FARP1: variants seen among roughly 807,000 people sequenced by gnomAD.
The protein encoded by FARP1 is FERM, ARHGEF and pleckstrin domain-containing protein 1.
A neutral mutation model predicts 128.8 loss-of-function variants in FARP1; 52 were observed. The observed-to-expected ratio is 0.40, with a 90% CI of 0.32 to 0.51. The LOEUF (loss-of-function observed/expected upper bound fraction) is 0.51, where lower values mean the gene tolerates loss of function less well. FARP1 is among the 20% of genes least tolerant of loss of function. The probability of loss-of-function intolerance (pLI) is 0.45; values close to 1 mark genes in which losing one functional copy is unlikely to be tolerated. For missense variants in FARP1, 1,333 were observed against 1,367.9 expected (o/e 0.97, Z 0.40); for synonymous variants, 580 against 551.8 (o/e 1.05, Z -0.72).
rs567417666 is a variant in FARP1, at chr13:98,271,442, G to A, written c.171+58029G>A. 9.3e-5 allele frequency among the ~76,000 whole-genome samples: 14 copies of A among 151,316 alleles called. No individual in the cohort carries two copies. The South Asian group carries it at 1.3e-3, about 14-fold the overall frequency. On this transcript the variant is annotated intron_variant, in intron 2 of 26. Coordinates refer to ENST00000319562, the MANE Select transcript of FARP1 (RefSeq NM_005766.4). ...AAGTTCTGGGATACATGTGTAGAACGTGCAGGTTTGTTACATAGGTATACA... is the reference window on the plus strand; with the variant it reads ...AAGTTCTGGGATACATGTGTAGAACATGCAGGTTTGTTACATAGGTATACA...
Position 98,156,828 on chromosome 13 carries a change from G to T in FARP1, c.-24+13336G>T, listed in dbSNP as rs569566566. ...CCTGCCTTGGCATCCCAAAGTGCTGGGATTACAGGCATGAGCCACTGCACC... is the reference window on the plus strand; with the variant it reads ...CCTGCCTTGGCATCCCAAAGTGCTGTGATTACAGGCATGAGCCACTGCACC... On this transcript the variant is annotated intron_variant, in intron 1 of 26. Transcript: ENST00000319562. Among the ~76,000 whole-genome samples, 5 of 152,268 alleles carry T rather than the reference G, an allele frequency of 3.3e-5. No individual in the cohort carries two copies. In the South Asian group the frequency reaches 1.0e-3, roughly 32 times the overall value.
Position 98,213,188 on chromosome 13 carries a change from G to C in FARP1, c.-23-32G>C. 3 of 1,569,512 alleles carry C rather than the reference G, an allele frequency of 1.9e-6. No individual in the cohort carries two copies. The East Asian group carries it at 6.7e-5, about 35-fold the overall frequency. On this transcript the variant is annotated intron_variant, in intron 1 of 26. Transcript: ENST00000319562. The stretch of plus-strand genomic sequence containing the variant: ...AGCTTGGGTGGTAGTCTCCTATTCT[G>C]ATGTGTTTTTCTTTCTCACTGCTTC...
In FARP1 at chr13:98,213,639, C is replaced by T. The variant is rs74242964; in HGVS notation, c.171+226C>T. Reference sequence around the variant, plus strand: ...ACCCACATAGTGATGTCAGTGGCCTCGGCACTTGAATTTTACTATGAACTT... The same window carrying T: ...ACCCACATAGTGATGTCAGTGGCCTTGGCACTTGAATTTTACTATGAACTT... On this transcript the variant is annotated intron_variant, in intron 2 of 26. Coordinates refer to ENST00000319562, the MANE Select transcript of FARP1 (RefSeq NM_005766.4). Among the ~76,000 whole-genome samples, 89 of 152,176 alleles carry T rather than the reference C, an allele frequency of 5.8e-4. 1 individual carries two copies. In the East Asian group the frequency reaches 0.014, roughly 24 times the overall value.
chr13:98,390,576 A>C, intron 10 of FARP1: 1 of 500,572 alleles, frequency 2.0e-6, no homozygotes, highest in Non-Finnish European at 3.5e-6. Context: ...CACAGTTATC[A>C]AGTGGGCTTA....
rs1322797831 is a variant in FARP1 at position 98,295,088 on chromosome 13, CACACACACACACACACAT to C, written c.172-48672_172-48655del. Among the ~76,000 whole-genome samples, 46 of 84,494 alleles carry C rather than the reference CACACACACACACACACAT, an allele frequency of 5.4e-4. 1 individual carries two copies. Among genetic ancestry groups the C allele is most frequent in the African/African-American group, 7.6e-4 (17 of 22,414 alleles). 55.4% of individuals were successfully genotyped at this position (84,494 alleles called of 152,430 possible). A position where few individuals can be genotyped will look rare whatever the true frequency, so the allele number is the denominator to read the frequency against. ...ACACACACACACACACACACACACA[CACACACACACACACACAT>C]ATATCCCCAGGCATTATTTATTTAT... On this transcript the variant is annotated intron_variant, in intron 2 of 26. Coordinates refer to ENST00000319562, the MANE Select transcript of FARP1 (RefSeq NM_005766.4).
rs919749506 is a variant in FARP1 at position 98,452,273 on chromosome 13, A to C, written c.*3956A>C. On this transcript the variant is annotated 3_prime_UTR_variant, in exon 27 of 27. Transcript: ENST00000319562. ...AAAATCGTATTGGAAAGGACGGTAC[A>C]TCTGGCGCAGACCAGCAGTGGCACG... The C allele has an allele frequency of 3.9e-5, 6 of 152,396 alleles. No homozygotes were observed. The highest frequency in any genetic ancestry group is 1.4e-4 in the African/African-American group (6 of 41,466). The allele number at this position is 152,396 out of a possible 1,614,324, so 9.4% of individuals were successfully genotyped here. A position where few individuals can be genotyped will look rare whatever the true frequency, so the allele number is the denominator to read the frequency against.
At chr13:98,439,401 C>T (rs1892430168) in intron 21 of FARP1, among the ~76,000 whole-genome samples, 1 of 152,222 alleles carries the variant, frequency 6.6e-6, no homozygotes, top group Admixed American at 6.5e-5. Context: ...TAGGGCTTCT[C>T]TAGTGGGGCT....
chr13:98,219,948 C>T (rs1408986917), intron 2 of FARP1, among the ~76,000 whole-genome samples: 1 of 152,186 alleles, frequency 6.6e-6, no homozygotes, highest in Non-Finnish European at 1.5e-5. Context: ...TGATTGCAGG[C>T]ATGAGCTACT....
chr13:98,447,130 T>C, intron 26 of FARP1: 1 of 301,072 alleles, frequency 3.3e-6, no homozygotes, highest in Non-Finnish European at 6.3e-6. Context: ...CATGGTGTAA[T>C]GGCAGGGACT....
intron 19 of FARP1, chr13:98,436,083 TAAATTATGCTAG>T: frequency 3.5e-6 from 1 of 287,170 alleles, no homozygotes; most frequent in South Asian, 3.6e-5. Flanking sequence ...GGTAGTGCAT[TAAATTATGCTAG>T]AAATTCCCAT....
At chr13:98,345,375 A>G (rs1888135141) in intron 3 of FARP1, 1 of 152,226 alleles carries the variant, frequency 6.6e-6, no homozygotes, top group Non-Finnish European at 1.5e-5. Flanking sequence ...CAGTTAGCTA[A>G]TGGCACAGCT....
At chr13:98,395,573 CGTCCCG>C in intron 13 of FARP1, 97 bp downstream of exon 13, 1 of 1,399,808 alleles carries the variant, frequency 7.1e-7, no homozygotes, top group Non-Finnish European at 9.6e-7. Context: ...AGAGAACAAG[CGTCCCG>C]ATCCCGGTCC....
chr13:98,312,594 A>G lies in FARP1; in HGVS notation c.172-31168A>G, dbSNP rs1364349371. ...AGAAATTCATAATGCTTCCCCCCCC[A>G]CCGGAAAAGAGGTCAGTATAGCTCA... On this transcript the variant is annotated intron_variant, in intron 2 of 26. Transcript: ENST00000319562. Among the ~76,000 whole-genome samples the G allele has an allele frequency of 2.0e-5, 3 of 152,054 alleles. No homozygotes were observed. In the East Asian group the frequency reaches 5.8e-4, roughly 29 times the overall value.
Position 98,418,875 on chromosome 13 carries a change from C to T in FARP1, c.1827-5697C>T, listed in dbSNP as rs74911530. Reference sequence around the variant, plus strand: ...GGATGCTATCAAACCTGCCTGTGACCGGGTTGTCACTTTGGATCCTCTTAT... The same window carrying T: ...GGATGCTATCAAACCTGCCTGTGACTGGGTTGTCACTTTGGATCCTCTTAT... On this transcript the variant is annotated intron_variant, in intron 16 of 26. Coordinates refer to ENST00000319562, the MANE Select transcript of FARP1 (RefSeq NM_005766.4). 9.6e-3 allele frequency among the ~76,000 whole-genome samples: 1,458 copies of T among 152,220 alleles called. 26 individuals carry two copies. Among genetic ancestry groups the T allele is most frequent in the African/African-American group, 0.033 (1,389 of 41,528 alleles).
At chr13:98,227,846 T>C (rs930195386) in intron 2 of FARP1, among the ~76,000 whole-genome samples, 33 of 152,326 alleles carry the variant, frequency 2.2e-4, no homozygotes, top group African/African-American at 7.5e-4. Context: ...TTGAGAACAT[T>C]ATGCTAAGTG....
rs773362468 is a variant in FARP1 at position 98,446,776 on chromosome 13, C to A, written c.3015C>A (p.His1005Gln). The change falls in exon 26 of 27, where the codon CAC becomes CAA. Residue 1005 changes from histidine to glutamine, a missense_variant. Transcript: ENST00000319562. ...DYVFKLHFKS[H>Q]VYYFRAESEY... is the part of the protein sequence containing the mutation. The stretch of plus-strand genomic sequence containing the variant: ...TGTTCAAGCTGCACTTCAAGTCCCA[C>A]GTCTACTACTTCAGGGCGGAAAGCG... 6 of 1,614,100 alleles carry A rather than the reference C, an allele frequency of 3.7e-6. No homozygotes were observed. In the Admixed American group the frequency reaches 6.7e-5, roughly 18 times the overall value.
At chr13:98,447,169 G>GC (rs1162471787) in intron 26 of FARP1, 1 of 208,766 alleles carries the variant, frequency 4.8e-6, no homozygotes, top group African/African-American at 2.3e-5. Flanking sequence ...AGAAAGAAAT[G>GC]CAACAGTCAG....
At chr13:98,244,325 G>A (rs1882940156) in intron 2 of FARP1, among the ~76,000 whole-genome samples, 2 of 152,156 alleles carry the variant, frequency 1.3e-5, no homozygotes, top group South Asian at 4.1e-4. Flanking sequence ...AATTTGGTGA[G>A]TTTGGATATA....
intron 16 of FARP1, among the ~76,000 whole-genome samples, chr13:98,418,245 C>T (rs896032917): frequency 1.3e-5 from 2 of 150,274 alleles, no homozygotes; most frequent in African/African-American, 4.9e-5. Context: ...AGTAAAATTA[C>T]ATGTTTATTT....
Sources: allele counts gnomAD v4.1 joint callset (sites outside exome capture counted in the v4.1 genomes callset), GRCh38; gene constraint gnomAD v4.1.1; transcripts MANE v1.5; gene names NCBI Gene and HGNC (gene_info 2026-07-23, HGNC 2026-07-21).